SGCD: variants seen among roughly 807,000 people sequenced by gnomAD.
SGCD encodes the protein delta-sarcoglycan.
A neutral mutation model predicts 36.6 loss-of-function variants in SGCD; 18 were observed. The ratio of observed to expected loss-of-function variants is 0.49; its 90% CI spans 0.34 to 0.73. SGCD has a LOEUF of 0.73. Among genes scored for constraint, SGCD ranks in the 30% least tolerant of loss-of-function variants. The probability of loss-of-function intolerance (pLI) is 0.01; values close to 1 mark genes in which losing one functional copy is unlikely to be tolerated. For synonymous variants in SGCD, 133 were observed against 130.6 expected (o/e 1.02, Z -0.12); for missense variants, 387 against 346.7 (o/e 1.12, Z -0.92).
chr5:156,061,746 C>T lies in SGCD; in HGVS notation c.-281-56132C>T, dbSNP rs551132535. Among the ~76,000 whole-genome samples, 26 of 145,044 alleles carry T rather than the reference C, an allele frequency of 1.8e-4. 2 individuals are homozygous for T. The highest frequency in any genetic ancestry group is 6.2e-4 in the African/African-American group (25 of 40,606). ...TTCTCAATGTAAAGAAAAAGTAAGA[C>T]CCAAAGGCAACAAATATCTAATGGG... On this transcript the variant is annotated intron_variant, in intron 1 of 9. Transcript: ENST00000517913.
At chr5:156,072,240 A>T (rs927458298) in intron 1 of SGCD, among the ~76,000 whole-genome samples, 43 of 152,016 alleles carry the variant, frequency 2.8e-4, no homozygotes, top group Admixed American at 2.0e-3. Context: ...GGTCTTTACA[A>T]TTTGGCATGA....
At chr5:155,954,676 A>C (rs28584510) in intron 1 of SGCD, among the ~76,000 whole-genome samples, 12,921 of 151,532 alleles carry the variant, frequency 0.085, 1,809 homozygotes, top group African/African-American at 0.3. Context: ...TGTCTTTACC[A>C]ACTTTGTTCT....
chr5:156,131,695 A>G (rs1325012589), intron 3 of SGCD, among the ~76,000 whole-genome samples: 2 of 149,838 alleles, frequency 1.3e-5, no homozygotes, highest in East Asian at 3.9e-4. Context: ...TGCTCAACAG[A>G]AAAAAAAGGC....
At chr5:156,378,314 G>A (rs529995993) in intron 3 of SGCD, among the ~76,000 whole-genome samples, 1 of 152,292 alleles carries the variant, frequency 6.6e-6, no homozygotes, top group East Asian at 1.9e-4. Flanking sequence ...GAGAAGGAAA[G>A]TAGAAAGATG....
At chr5:156,299,633 C>T (rs1028049489) in intron 3 of SGCD, among the ~76,000 whole-genome samples, 9 of 151,906 alleles carry the variant, frequency 5.9e-5, no homozygotes, top group Admixed American at 4.6e-4. Context: ...TTATAGTTTT[C>T]GTTATAGAGA....
chr5:156,264,078 G>A (rs1234210206), intron 3 of SGCD, among the ~76,000 whole-genome samples: 1 of 152,048 alleles, frequency 6.6e-6, no homozygotes, highest in African/African-American at 2.4e-5. Context: ...GGATAGTTAG[G>A]AAATAGAGAG....
intron 1 of SGCD, among the ~76,000 whole-genome samples, chr5:155,993,957 G>C (rs1376905913): frequency 6.6e-6 from 1 of 152,174 alleles, no homozygotes; most frequent in African/African-American, 2.4e-5. Context: ...TCCACCGCTA[G>C]ATGGGAAAAG....
In SGCD at chr5:156,692,137, A is replaced by G. The variant is rs147245501; in HGVS notation, c.575+44601A>G. Among the ~76,000 whole-genome samples the G allele has an allele frequency of 6.5e-3, 988 of 152,356 alleles. 4 individuals carry two copies. Among genetic ancestry groups the G allele is most frequent in the Non-Finnish European group, 9.1e-3 (622 of 68,026 alleles). On this transcript the variant is annotated intron_variant, in intron 7 of 8. Transcript: ENST00000337851. ...CCAATTTCCTGAAATAACAGTATTT[A>G]CAATCCTAAGCATTAATCATCTCAA...
chr5:156,127,854 C>CAAAAAAAAAAAAAAAAA (rs56822746), intron 3 of SGCD, among the ~76,000 whole-genome samples: 2 of 18,440 alleles, frequency 1.1e-4, no homozygotes, highest in Non-Finnish European at 2.0e-4. Flanking sequence ...AACATAAATG[C>CAAAAAAAAAAAAAAAAA]AAAAAAAAAA....
rs1026348018 is a variant in SGCD at position 155,894,417 on chromosome 5, G to A, written c.-282+23993G>A. 2.6e-5 allele frequency among the ~76,000 whole-genome samples: 4 copies of A among 152,070 alleles called. No homozygotes were observed. The South Asian group carries it at 6.2e-4, about 24-fold the overall frequency. ...TATATGTGGAATTTGTATGTCACAC[G>A]AGCCTTTGAGATCAAGGGACTTCTG... On this transcript the variant is annotated intron_variant, in intron 1 of 9. Coordinates refer to the SGCD transcript ENST00000517913.
rs1267656509 is a variant in SGCD, at chr5:156,144,685, G to A, written c.-44+20666G>A. ...GCAAAAATTTTCTCCCATTCTGTAG[G>A]TTGCCTGTTCACTCTGATGGTAGTT... On this transcript the variant is annotated intron_variant, in intron 3 of 9. Transcript: ENST00000517913. 4.6e-5 allele frequency among the ~76,000 whole-genome samples: 7 copies of A among 152,146 alleles called. No homozygotes were observed. The East Asian group carries it at 1.3e-3, about 29-fold the overall frequency.
chr5:155,745,497 T>C, the SGCD span, among the ~76,000 whole-genome samples: 5 of 152,184 alleles, frequency 3.3e-5, no homozygotes, highest in African/African-American at 1.2e-4. Context: ...ATTAAAGGAT[T>C]GTTAATTTTA....
rs1369667295 is a variant in SGCD, at chr5:155,920,255, A to G, written c.-282+49831A>G. Among the ~76,000 whole-genome samples the G allele has an allele frequency of 4.6e-5, 7 of 152,312 alleles. No individual in the cohort carries two copies. The South Asian group carries it at 6.2e-4, about 14-fold the overall frequency. The stretch of plus-strand genomic sequence containing the variant: ...CAAAGAAAAGATTAATCTGTAAGCT[A>G]TTTAGGAAGTAGAATTGACAATACT... On this transcript the variant is annotated intron_variant, in intron 1 of 9. Coordinates refer to the SGCD transcript ENST00000517913.
At chr5:155,763,762 T>C in the SGCD span, among the ~76,000 whole-genome samples, 1 of 152,248 alleles carries the variant, frequency 6.6e-6, no homozygotes, top group African/African-American at 2.4e-5. Flanking sequence ...AAGAACACAA[T>C]GAATAGTATG....
intron 4 of SGCD, among the ~76,000 whole-genome samples, chr5:156,580,251 T>A (rs1393862807): frequency 3.3e-5 from 5 of 152,262 alleles, no homozygotes; most frequent in Non-Finnish European, 7.3e-5. Flanking sequence ...CCCCACTCTC[T>A]ACTGGCTTGC....
In SGCD at chr5:156,375,729, G is replaced by A. The variant is rs547408397; in HGVS notation, c.192+31052G>A. On this transcript the variant is annotated intron_variant, in intron 3 of 8. Coordinates refer to ENST00000337851, the MANE Select transcript of SGCD (RefSeq NM_000337.6). ...CATTGGCTTATAAAAGCATCTGAAC[G>A]TTTATGTATTTATGCCATAAGGAGA... is the stretch of plus-strand genomic sequence containing the variant. 6.6e-4 allele frequency among the ~76,000 whole-genome samples: 101 copies of A among 152,204 alleles called. 3 individuals are homozygous for A. In the South Asian group the frequency reaches 0.019, roughly 29 times the overall value.
At chr5:156,041,971 A>G (rs1759646318) in intron 1 of SGCD, among the ~76,000 whole-genome samples, 1 of 152,102 alleles carries the variant, frequency 6.6e-6, no homozygotes, top group African/African-American at 2.4e-5. Flanking sequence ...GTGTCAAGGC[A>G]AAGGTATAAA....
the SGCD span, among the ~76,000 whole-genome samples, chr5:155,754,834 A>G: frequency 6.6e-6 from 1 of 152,174 alleles, no homozygotes; most frequent in Non-Finnish European, 1.5e-5. Context: ...TTGTCTGGTG[A>G]TGATTTACAC....
intron 7 of SGCD, among the ~76,000 whole-genome samples, chr5:156,753,712 C>A (rs115494285): frequency 6.6e-6 from 1 of 152,100 alleles, no homozygotes; most frequent in African/African-American, 2.4e-5. Flanking sequence ...AAGTGCCAAG[C>A]GAAGGGGGAA....
Sources: gnomAD v4.1 joint callset for allele counts (sites outside exome capture counted in the v4.1 genomes callset) on GRCh38, gnomAD v4.1.1 for gene constraint, MANE v1.5 for transcripts, NCBI Gene and HGNC (gene_info 2026-07-23, HGNC 2026-07-21) for gene names.